The following FGF12 variants were observed in gnomAD, a reference collection of about 807,000 sequenced individuals.
The protein encoded by FGF12 is fibroblast growth factor 12B.
Under a neutral mutation model 23.6 loss-of-function variants are expected in FGF12, and 14 were observed. The observed-to-expected ratio is 0.59, with a 90% CI of 0.39 to 0.93. The LOEUF (loss-of-function observed/expected upper bound fraction) is 0.93. FGF12 is among the 40% of genes least tolerant of loss of function. FGF12 has a pLI of 0.00. For missense variants in FGF12, 175 were observed against 217.8 expected (o/e 0.80, Z 1.24); for synonymous variants, 62 against 77.3 (o/e 0.80, Z 1.04).
chr3:192,422,373 A>C (rs1483674933), intron 2 of FGF12, among the ~76,000 whole-genome samples: 1 of 152,168 alleles, frequency 6.6e-6, no homozygotes, highest in Non-Finnish European at 1.5e-5. Flanking sequence ...TATAGTGCTC[A>C]CCGACATCAT....
At chr3:192,630,724 T>A (rs1387192925) in intron 2 of FGF12, among the ~76,000 whole-genome samples, 2 of 151,548 alleles carry the variant, frequency 1.3e-5, no homozygotes, top group East Asian at 3.9e-4. Flanking sequence ...GGCTAATTTT[T>A]TTTTTTTGTA....
rs555992616 is a variant in FGF12, at chr3:192,514,145, C to T, written c.14-153607G>A. 1.3e-5 allele frequency among the ~76,000 whole-genome samples: 2 copies of T among 152,328 alleles called. No individual in the cohort carries two copies. The highest frequency in any genetic ancestry group is 4.1e-4 in the South Asian group (2 of 4,828). On this transcript the variant is annotated intron_variant, in intron 2 of 5. Transcript: ENST00000445105. This position sits in a 1 kb window ranked among gnomAD's most constrained non-coding sequence, Gnocchi z 4.9. ...TAACTGGGACCCTCCTACTTCAGCA[C>T]CAAGGACAGAAATCGCTAAATCTCC... is the stretch of plus-strand genomic sequence containing the variant.
chr3:192,715,030 T>C (rs1052352448), intron 2 of FGF12, among the ~76,000 whole-genome samples: 5 of 152,218 alleles, frequency 3.3e-5, no homozygotes, highest in Admixed American at 2.0e-4. Flanking sequence ...GGTCACTGCA[T>C]TTCTTCTGGC....
intron 2 of FGF12, among the ~76,000 whole-genome samples, chr3:192,528,498 G>C (rs1725009091): frequency 6.6e-6 from 1 of 152,124 alleles, no homozygotes; most frequent in Non-Finnish European, 1.5e-5. Context: ...TAGGTACACG[G>C]TACAACCTGT....
At chr3:192,657,478 C>T (rs1460269888) in intron 2 of FGF12, among the ~76,000 whole-genome samples, 1 of 151,190 alleles carries the variant, frequency 6.6e-6, no homozygotes, top group East Asian at 1.9e-4. Flanking sequence ...AAGAACCTCC[C>T]ATAGTGTAGG....
chr3:192,239,807 T>G (rs1284474025), intron 4 of FGF12, among the ~76,000 whole-genome samples: 1 of 152,220 alleles, frequency 6.6e-6, no homozygotes, highest in East Asian at 1.9e-4. Context: ...GAAACTGGTT[T>G]CTGGTGCCAA....
At chr3:192,574,556 C>T (rs573129426) in intron 2 of FGF12, among the ~76,000 whole-genome samples, 1 of 152,264 alleles carries the variant, frequency 6.6e-6, no homozygotes, top group African/African-American at 2.4e-5. Flanking sequence ...GTCAATGAAA[C>T]CAGACTTCCA....
intron 2 of FGF12, among the ~76,000 whole-genome samples, chr3:192,701,585 G>A (rs1275065907): frequency 6.6e-6 from 1 of 152,120 alleles, no homozygotes; most frequent in East Asian, 1.9e-4. Context: ...CATATCAAAT[G>A]AAGTTCTACT....
intron 4 of FGF12, among the ~76,000 whole-genome samples, chr3:192,218,078 CCACG>C (rs1718285651): frequency 6.6e-6 from 1 of 152,246 alleles, no homozygotes; most frequent in African/African-American, 2.4e-5. Context: ...CTCAGGTGGC[CCACG>C]TCGGCCTCCC....
chr3:192,472,756 T>TC (rs1723209507), intron 2 of FGF12, among the ~76,000 whole-genome samples: 2 of 152,140 alleles, frequency 1.3e-5, no homozygotes, highest in African/African-American at 4.8e-5. Context: ...CTCAGCCCTG[T>TC]CTCCTCACCT....
chr3:192,385,330 G>C (rs1186845516), intron 2 of FGF12, among the ~76,000 whole-genome samples: 1 of 151,860 alleles, frequency 6.6e-6, no homozygotes, highest in Non-Finnish European at 1.5e-5. Flanking sequence ...ACACTTTTAA[G>C]GTAGGTAGTA....
intron 2 of FGF12, among the ~76,000 whole-genome samples, chr3:192,402,807 A>G (rs1413244918): frequency 1.3e-5 from 2 of 152,236 alleles, no homozygotes; most frequent in Admixed American, 6.5e-5. Context: ...GGCATTTTGC[A>G]TCTAAGCCTT....
intron 4 of FGF12, among the ~76,000 whole-genome samples, chr3:192,261,875 A>C (rs920225175): frequency 2.6e-5 from 4 of 152,150 alleles, no homozygotes; most frequent in Admixed American, 2.6e-4. Flanking sequence ...TGAAGAAAAA[A>C]ATAGTAGTAG....
intron 2 of FGF12, among the ~76,000 whole-genome samples, chr3:192,436,200 T>C (rs748650892): frequency 9.9e-5 from 15 of 152,144 alleles, no homozygotes; most frequent in East Asian, 1.9e-4. Flanking sequence ...CTTAAATTAA[T>C]AAAGATGAGA....
intron 2 of FGF12, among the ~76,000 whole-genome samples, chr3:192,420,236 T>C (rs1359022726): frequency 6.6e-6 from 1 of 152,124 alleles, no homozygotes; most frequent in Non-Finnish European, 1.5e-5. Context: ...AGCTCTGCTA[T>C]GGTTCCCTCA....
intron 4 of FGF12, among the ~76,000 whole-genome samples, chr3:192,225,865 T>C (rs1285008308): frequency 6.6e-6 from 1 of 152,170 alleles, no homozygotes; most frequent in Non-Finnish European, 1.5e-5. Context: ...AGGCTACATA[T>C]TGTATGATTC....
intron 2 of FGF12, among the ~76,000 whole-genome samples, chr3:192,384,033 G>T (rs1196732082): frequency 1.3e-5 from 2 of 152,164 alleles, no homozygotes; most frequent in African/African-American, 4.8e-5. Flanking sequence ...CCAGAAAAAT[G>T]GGAGTAAAGA....
At chr3:192,580,258 T>C (rs1285801536) in intron 2 of FGF12, among the ~76,000 whole-genome samples, 1 of 152,144 alleles carries the variant, frequency 6.6e-6, no homozygotes, top group East Asian at 1.9e-4. Context: ...GCCATAAAGG[T>C]GACAGCCAAT....
chr3:192,248,134 A>G lies in FGF12; in HGVS notation c.229-77478T>C, dbSNP rs137867922. Among the ~76,000 whole-genome samples the G allele has an allele frequency of 2.9e-3, 449 of 152,328 alleles. 4 individuals are homozygous for G. Among genetic ancestry groups the G allele is most frequent in the Middle Eastern group, 0.017 (5 of 294 alleles). On this transcript the variant is annotated intron_variant, in intron 4 of 5. Transcript: ENST00000445105. Reference sequence around the variant, plus strand: ...ATCTACTTCCTCTAGGACAAATTTCATCAAACCATTAGTTATAATACACAT... The same window carrying G: ...ATCTACTTCCTCTAGGACAAATTTCGTCAAACCATTAGTTATAATACACAT...
Sources: gnomAD v4.1 joint callset for allele counts (sites outside exome capture counted in the v4.1 genomes callset) on GRCh38, gnomAD v4.1.1 for gene constraint, Gnocchi (gnomAD v3.1) non-coding constraint, MANE v1.5 for transcripts, NCBI Gene and HGNC (gene_info 2026-07-23, HGNC 2026-07-21) for gene names.